The following XYLT1 variants were observed in gnomAD, a reference collection of about 807,000 sequenced individuals.
XYLT1 encodes the protein beta-D-xylosyltransferase 1.
A neutral mutation model predicts 91.3 loss-of-function variants in XYLT1; 36 were observed. That is an observed-to-expected ratio of 0.39 (90% CI 0.30 to 0.52). The LOEUF (loss-of-function observed/expected upper bound fraction) is 0.52, where lower values mean the gene tolerates loss of function less well. XYLT1 is among the 20% of genes least tolerant of loss of function. XYLT1 has a pLI of 0.68. For synonymous variants in XYLT1, 588 were observed against 532.0 expected (o/e 1.11, Z -1.45); for missense variants, 1,242 against 1,284.5 (o/e 0.97, Z 0.51).
intron 1 of XYLT1, among the ~76,000 whole-genome samples, chr16:17,437,007 C>T (rs565889619): frequency 3.3e-5 from 5 of 152,232 alleles, no homozygotes; most frequent in African/African-American, 9.6e-5. Context: ...GGGGGCCAGA[C>T]CTGTGCGAAA....
At chr16:17,338,260 C>T (rs141940420) in intron 2 of XYLT1, 1 of 456,396 alleles carries the variant, frequency 2.2e-6, no homozygotes, top group Non-Finnish European at 4.4e-6. Context: ...TGATCTTGGA[C>T]CATGCTCTTC....
At chr16:17,137,930 G>A (rs1036272085) in intron 8 of XYLT1, among the ~76,000 whole-genome samples, 1 of 152,224 alleles carries the variant, frequency 6.6e-6, no homozygotes, top group African/African-American at 2.4e-5. Context: ...ACAATGGCAA[G>A]AGTTCTGAGG....
chr16:17,112,091 C>T (rs1480508126), intron 11 of XYLT1, among the ~76,000 whole-genome samples: 3 of 152,124 alleles, frequency 2.0e-5, no homozygotes, highest in Non-Finnish European at 2.9e-5. Flanking sequence ...AACAAACCTG[C>T]GAACGCTGGG....
intron 3 of XYLT1, among the ~76,000 whole-genome samples, chr16:17,216,897 C>T (rs1254235064): frequency 2.6e-5 from 4 of 152,160 alleles, no homozygotes; most frequent in East Asian, 1.9e-4. Flanking sequence ...ATGAAATCTC[C>T]GGTTGATCAC....
chr16:17,386,699 C>T (rs2035751914), intron 1 of XYLT1, among the ~76,000 whole-genome samples: 1 of 152,168 alleles, frequency 6.6e-6, no homozygotes, highest in Non-Finnish European at 1.5e-5. Context: ...CAGTTTAGAG[C>T]AGTAATCCAG....
intron 5 of XYLT1, chr16:17,194,129 A>G (rs1258694812): frequency 1.3e-5 from 2 of 152,204 alleles, no homozygotes; most frequent in Non-Finnish European, 2.9e-5. Context: ...CCTTGGATGT[A>G]CCTTACGTAT....
chr16:17,112,776 C>T (rs79662619), intron 11 of XYLT1, among the ~76,000 whole-genome samples: 10,204 of 152,198 alleles, frequency 0.067, 1,151 homozygotes, highest in African/African-American at 0.23. Flanking sequence ...CTCTGTCTTT[C>T]TGCTTGCTCT....
chr16:17,224,920 T>A, intron 3 of XYLT1, among the ~76,000 whole-genome samples: 1 of 152,180 alleles, frequency 6.6e-6, no homozygotes, highest in Admixed American at 6.5e-5. Flanking sequence ...ACTCTGCCAC[T>A]GTAGAGAGAA....
At chr16:17,171,271 C>A (rs1309214295) in intron 5 of XYLT1, among the ~76,000 whole-genome samples, 1 of 152,188 alleles carries the variant, frequency 6.6e-6, no homozygotes, top group East Asian at 1.9e-4. Flanking sequence ...AACTTTGGGA[C>A]TGGGTCAGTT....
chr16:17,183,032 T>A (rs2032104798), intron 5 of XYLT1, among the ~76,000 whole-genome samples: 1 of 152,178 alleles, frequency 6.6e-6, no homozygotes, highest in Admixed American at 6.5e-5. Flanking sequence ...CCTTGGGTGA[T>A]CGGCTTTCCC....
At chr16:17,206,575 A>G (rs1036903504) in intron 3 of XYLT1, among the ~76,000 whole-genome samples, 9 of 152,080 alleles carry the variant, frequency 5.9e-5, no homozygotes, top group Admixed American at 2.0e-4. Context: ...AATACTTATC[A>G]TGCTTGCGTC....
At chr16:17,462,983 C>A (rs575338160) in intron 1 of XYLT1, among the ~76,000 whole-genome samples, 3 of 152,056 alleles carry the variant, frequency 2.0e-5, no homozygotes, top group African/African-American at 7.2e-5. Context: ...GGAAAGTCTT[C>A]GATAAGTAGT....
chr16:17,399,981 C>A (rs2141900067), intron 1 of XYLT1, among the ~76,000 whole-genome samples: 1 of 152,368 alleles, frequency 6.6e-6, no homozygotes, highest in Middle Eastern at 3.4e-3. Flanking sequence ...GTTTTCAACA[C>A]AATCGCTAAG....
At chr16:17,173,267 T>C (rs1055118801) in intron 5 of XYLT1, among the ~76,000 whole-genome samples, 1 of 152,212 alleles carries the variant, frequency 6.6e-6, no homozygotes, top group Admixed American at 6.5e-5. Flanking sequence ...CACGCCACAC[T>C]ACCTCCACGT....
intron 6 of XYLT1, among the ~76,000 whole-genome samples, chr16:17,157,985 G>C (rs959193582): frequency 6.6e-6 from 1 of 152,042 alleles, no homozygotes; most frequent in Non-Finnish European, 1.5e-5. Context: ...CTGACCTCAT[G>C]ATCTGCCCGC....
At chr16:17,247,749 G>A (rs2033464335) in intron 3 of XYLT1, among the ~76,000 whole-genome samples, 1 of 152,176 alleles carries the variant, frequency 6.6e-6, no homozygotes, top group Admixed American at 6.5e-5. Context: ...TAGTGAAACA[G>A]CCCAGGACAC....
intron 1 of XYLT1, among the ~76,000 whole-genome samples, chr16:17,454,367 G>A (rs1456579950): frequency 6.6e-6 from 1 of 152,034 alleles, no homozygotes; most frequent in Admixed American, 6.6e-5. Context: ...TAGACATAGG[G>A]TTAGCAAACT....
intron 1 of XYLT1, among the ~76,000 whole-genome samples, chr16:17,436,074 T>C (rs1318256843): frequency 3.9e-5 from 6 of 152,110 alleles, no homozygotes; most frequent in Non-Finnish European, 8.8e-5. Context: ...TGAGATCTGA[T>C]GGTTTAATAA....
At chr16:17,282,012 C>G (rs1025248575) in intron 2 of XYLT1, among the ~76,000 whole-genome samples, 4 of 152,200 alleles carry the variant, frequency 2.6e-5, no homozygotes, top group African/African-American at 9.7e-5. Flanking sequence ...ATTCCCCTCA[C>G]CCAGCCTTAA....
Sources: gnomAD v4.1 joint callset for allele counts (sites outside exome capture counted in the v4.1 genomes callset) on GRCh38, gnomAD v4.1.1 for gene constraint, MANE v1.5 for transcripts, NCBI Gene and HGNC (gene_info 2026-07-23, HGNC 2026-07-21) for gene names.